Variants in TNKS observed in about 807,000 individuals in gnomAD.
The protein encoded by TNKS is tankyrase.
TNKS carries 72 observed loss-of-function variants against 135.8 expected under a neutral mutation model. The ratio of observed to expected loss-of-function variants is 0.53; its 90% CI spans 0.44 to 0.64. TNKS has a LOEUF of 0.64. Among genes scored for constraint, TNKS ranks in the 30% least tolerant of loss-of-function variants. The probability of loss-of-function intolerance (pLI) is 0.00; values close to 1 mark genes in which losing one functional copy is unlikely to be tolerated. For missense variants in TNKS, 1,769 were observed against 1,674.0 expected (o/e 1.06, Z -0.99); for synonymous variants, 849 against 649.3 (o/e 1.31, Z -4.68).
chr8:9,665,655 G>T (rs942844783), intron 3 of TNKS, among the ~76,000 whole-genome samples: 3 of 152,154 alleles, frequency 2.0e-5, no homozygotes, highest in African/African-American at 4.8e-5. Flanking sequence ...TGTGAATGAG[G>T]TAGCCTCATA....
At chr8:9,687,586 G>A (rs912814317) in intron 5 of TNKS, among the ~76,000 whole-genome samples, 3 of 152,154 alleles carry the variant, frequency 2.0e-5, no homozygotes, top group Non-Finnish European at 2.9e-5. Context: ...TGCCAAGTGC[G>A]CTGTTTTCTC....
At chr8:9,770,945 C>T (rs1267891344) in intron 26 of TNKS, among the ~76,000 whole-genome samples, 1 of 151,976 alleles carries the variant, frequency 6.6e-6, no homozygotes, top group East Asian at 1.9e-4. Flanking sequence ...CCAAAATTCT[C>T]ATGGTAGAAG....
At chr8:9,579,626 G>A (rs949682366) in intron 1 of TNKS, among the ~76,000 whole-genome samples, 4 of 152,020 alleles carry the variant, frequency 2.6e-5, no homozygotes, top group Non-Finnish European at 5.9e-5. Context: ...CTGCCATCAC[G>A]CCTGGCTAAT....
At chr8:9,583,453 A>T (rs1370548891) in intron 2 of TNKS, among the ~76,000 whole-genome samples, 4 of 152,048 alleles carry the variant, frequency 2.6e-5, no homozygotes, top group African/African-American at 9.7e-5. Flanking sequence ...TAGTCTCCAA[A>T]ACCACTAAAT....
At chr8:9,714,355 C>T (rs1804492765) in intron 11 of TNKS, among the ~76,000 whole-genome samples, 1 of 150,770 alleles carries the variant, frequency 6.6e-6, no homozygotes, top group African/African-American at 2.4e-5. Context: ...ATCAAATGAG[C>T]ATATGTATAT....
chr8:9,703,599 A>G (rs1323643861), intron 5 of TNKS, among the ~76,000 whole-genome samples: 2 of 152,208 alleles, frequency 1.3e-5, no homozygotes, highest in African/African-American at 4.8e-5. Flanking sequence ...TTCTAAACTT[A>G]GAGACTGACA....
In TNKS at chr8:9,580,142, T is replaced by A. The variant is rs1296773895; in HGVS notation, c.674-17T>A. 3 of 1,608,032 alleles carry A rather than the reference T, an allele frequency of 1.9e-6. No homozygotes were observed. In the South Asian group the frequency reaches 3.3e-5, roughly 18 times the overall value. On this transcript the variant is annotated splice_polypyrimidine_tract_variant and intron_variant, in intron 1 of 26. Coordinates refer to ENST00000310430, the MANE Select transcript of TNKS (RefSeq NM_003747.3). ...AAATCAAATATATATACAAGACATT[T>A]TTTCGTTTCTTTTTAGGTTTTGGAA...
At chr8:9,584,520 C>G (rs1045681642) in intron 2 of TNKS, among the ~76,000 whole-genome samples, 3 of 152,188 alleles carry the variant, frequency 2.0e-5, no homozygotes, top group African/African-American at 4.8e-5. Context: ...GCTTCCTACT[C>G]TTAGCTCTAC....
intron 2 of TNKS, among the ~76,000 whole-genome samples, chr8:9,584,840 G>A (rs891351944): frequency 6.6e-6 from 1 of 152,198 alleles, no homozygotes; most frequent in African/African-American, 2.4e-5. Context: ...TCTCATTAGG[G>A]AAGAGACAGC....
At chr8:9,764,281 G>C (rs1219343882) in intron 22 of TNKS, among the ~76,000 whole-genome samples, 2 of 151,914 alleles carry the variant, frequency 1.3e-5, no homozygotes, top group African/African-American at 4.8e-5. Flanking sequence ...TATACTTAGA[G>C]ATCCCAAGCT....
intron 26 of TNKS, among the ~76,000 whole-genome samples, chr8:9,772,831 CTGTGTGTGTGTGTGTG>C (rs71201974): frequency 4.2e-5 from 5 of 119,034 alleles, no homozygotes; most frequent in African/African-American, 1.3e-4. Flanking sequence ...GTGTGTGTGT[CTGTGTGTGTGTGTGTG>C]TGTGTGTGTG....
chr8:9,704,811 A>G lies in TNKS; in HGVS notation c.1202+54A>G, dbSNP rs577440988. The G allele has an allele frequency of 1.3e-4, 179 of 1,368,868 alleles. 2 individuals carry two copies. The South Asian group carries it at 2.0e-3, about 15-fold the overall frequency. The allele number at this position is 1,368,868 out of a possible 1,614,324, so 84.8% of individuals were successfully genotyped here. A position where few individuals can be genotyped will look rare whatever the true frequency, so the allele number is the denominator to read the frequency against. ...TGCTTTGTTTTTTGTCTGATACTCT[A>G]AACTTTTAAAACACTAGACAAAGTC... On this transcript the variant is annotated intron_variant, in intron 6 of 26. Transcript: ENST00000310430.
intron 3 of TNKS, among the ~76,000 whole-genome samples, chr8:9,654,856 G>C (rs1405146791): frequency 6.6e-6 from 1 of 152,216 alleles, no homozygotes; most frequent in African/African-American, 2.4e-5. Context: ...ATTTCCAACT[G>C]AGGTACCGGA....
intron 3 of TNKS, among the ~76,000 whole-genome samples, chr8:9,653,431 C>G (rs530018667): frequency 3.3e-5 from 5 of 151,968 alleles, no homozygotes; most frequent in Non-Finnish European, 4.4e-5. Context: ...GCCCACAGTT[C>G]TGGAGACCAG....
intron 1 of TNKS, among the ~76,000 whole-genome samples, chr8:9,561,239 A>C (rs1797320676): frequency 6.6e-6 from 1 of 152,216 alleles, no homozygotes; most frequent in Non-Finnish European, 1.5e-5. Context: ...TTTATCTTTT[A>C]GTGTGAAATC....
chr8:9,755,172 C>T (rs188800054), intron 20 of TNKS, among the ~76,000 whole-genome samples: 10 of 152,208 alleles, frequency 6.6e-5, no homozygotes, highest in East Asian at 1.9e-4. Flanking sequence ...AAATTTATAT[C>T]GTATATTCGC....
At chr8:9,568,994 T>G (rs1585177586) in intron 1 of TNKS, among the ~76,000 whole-genome samples, 1 of 152,234 alleles carries the variant, frequency 6.6e-6, no homozygotes, top group African/African-American at 2.4e-5. Context: ...GCTGTGCAGA[T>G]ATTCCAAATG....
chr8:9,656,495 G>A (rs1353127530), intron 3 of TNKS, among the ~76,000 whole-genome samples: 1 of 152,110 alleles, frequency 6.6e-6, no homozygotes, highest in Non-Finnish European at 1.5e-5. Flanking sequence ...AGAGAGAAAG[G>A]TCGGGTTACC....
intron 2 of TNKS, among the ~76,000 whole-genome samples, chr8:9,580,922 A>G (rs972588546): frequency 1.3e-5 from 2 of 152,228 alleles, no homozygotes; most frequent in African/African-American, 2.4e-5. Context: ...TCTAGATGAA[A>G]CGAAGCTGTA....
Sources: gnomAD v4.1 joint callset for allele counts (sites outside exome capture counted in the v4.1 genomes callset) on GRCh38, gnomAD v4.1.1 for gene constraint, MANE v1.5 for transcripts, NCBI Gene and HGNC (gene_info 2026-07-23, HGNC 2026-07-21) for gene names.